The following CROCC variants were observed in gnomAD, a reference collection of about 807,000 sequenced individuals.
CROCC encodes the protein rootletin.
In CROCC, 180 loss-of-function variants were observed where a neutral mutation model predicts 245.2. The ratio of observed to expected loss-of-function variants is 0.73; its 90% CI spans 0.65 to 0.83. The LOEUF (loss-of-function observed/expected upper bound fraction) is 0.83, where lower values mean the gene tolerates loss of function less well. Ranked by LOEUF, CROCC falls within the 40% of genes least tolerant of loss-of-function variation. The probability of loss-of-function intolerance (pLI) is 0.00; values close to 1 mark genes in which losing one functional copy is unlikely to be tolerated. For missense variants in CROCC, 2,688 were observed against 2,779.4 expected (o/e 0.97, Z 0.74); for synonymous variants, 1,205 against 1,241.6 (o/e 0.97, Z 0.62).
At chr1:16,930,677 G>C (rs1178524879) in intron 7 of CROCC, 83 bp downstream of exon 7, 21 of 1,485,856 alleles carry the variant, frequency 1.4e-5, no homozygotes, top group Admixed American at 4.1e-5. Context: ...AGCCTGGAGA[G>C]GGAGAGGGAG....
chr1:16,920,790 C>T (rs1295299380), upstream of CROCC, among the ~76,000 whole-genome samples: 1 of 147,156 alleles, frequency 6.8e-6, no homozygotes, highest in Admixed American at 7.0e-5. Flanking sequence ...GTTGCCCAGG[C>T]TGGAGTGCAA....
rs572964154 is a variant in CROCC, at chr1:16,971,726, T to C, written c.5967+79T>C. 1.2e-4 allele frequency: 155 copies of C among 1,341,670 alleles called. 1 individual carries two copies. The African/African-American group carries it at 1.9e-3, about 16-fold the overall frequency. 83.1% of individuals were successfully genotyped at this position (1,341,670 alleles called of 1,614,324 possible). ...AAGAGGAGAGACCCAATCAAGACCT[T>C]GTGGGTATAGGCAGTCGATGGCTCC... On this transcript the variant is annotated intron_variant, in intron 36 of 36. Transcript: ENST00000375541.
In CROCC at chr1:16,939,121, C is replaced by G; in HGVS notation, c.1587C>G (p.His529Gln). The change falls in exon 12 of 37, where the codon CAC (histidine) becomes CAG (glutamine). Residue 529 changes from histidine (H) to glutamine (Q), a missense_variant. His to Gln is a conservative substitution (Grantham distance 24, BLOSUM62 0). This residue lies in a region of CROCC where 972 missense variants were observed against 895.3 expected (regional missense o/e 1.09). Coordinates refer to ENST00000375541, the MANE Select transcript of CROCC (RefSeq NM_014675.5). ...TCGCCCTGATCCACTCCGCCCTGCA[C>G]AAGCGCCAGCTGCAGGTCCAGGTAG... ...STLALIHSAL[H>Q]KRQLQVQDMR... is the part of the protein sequence containing the mutation. 5 of 1,535,624 alleles carry G rather than the reference C, an allele frequency of 3.3e-6. No homozygotes were observed. The highest frequency in any genetic ancestry group is 1.3e-5 in the South Asian group (1 of 79,652).
chr1:16,944,405 G>C (rs370546917), intron 14 of CROCC, 123 bp downstream of exon 14: 9 of 1,119,764 alleles, frequency 8.0e-6, no homozygotes, highest in Non-Finnish European at 1.1e-5. Flanking sequence ...GGACCCCTCC[G>C]ATGTCGGGTT....
intron 3 of CROCC, 35 bp from the exon 4 acceptor site, chr1:16,929,811 G>A: frequency 4.7e-6 from 7 of 1,491,836 alleles, no homozygotes; most frequent in Non-Finnish European, 6.2e-6. Context: ...CTTCCCAGGA[G>A]GCCCAGGACT....
intron 36 of CROCC, among the ~76,000 whole-genome samples, chr1:16,971,971 C>T (rs1362670949): frequency 2.6e-5 from 4 of 152,228 alleles, no homozygotes; most frequent in African/African-American, 9.6e-5. Context: ...GGGCAGAAGT[C>T]CTAAGGCTGT....
Position 16,950,967 on chromosome 1 carries a change from C to T in CROCC, c.2851C>T (p.Leu951=), listed in dbSNP as rs1198059376. Residue 951 remains leucine (L), a synonymous_variant, in exon 20 of 37, where the codon CTG becomes TTG. Transcript: ENST00000375541. The part of the protein sequence containing the change: ...KETLTGELAG[L]RQQIIATQEK... The stretch of plus-strand genomic sequence containing the variant: ...CTCTCGTGCAGGGGAGTTGGCGGGC[C>T]TGCGGCAGCAAATAATAGCTACACA... 1 of 1,563,526 alleles carries T rather than the reference C, an allele frequency of 6.4e-7. No homozygotes were observed. The highest frequency in any genetic ancestry group is 8.6e-7 in the Non-Finnish European group (1 of 1,156,602).
At chr1:16,931,981 G>T (rs138525235) in intron 8 of CROCC, among the ~76,000 whole-genome samples, 7,984 of 149,708 alleles carry the variant, frequency 0.053, 45 homozygotes, top group African/African-American at 0.09. Flanking sequence ...TGCCCAGGAT[G>T]GTCTCGAACT....
rs1434405165 is a variant in CROCC, at chr1:16,925,535, T to C, written c.351+1056T>C. Among the ~76,000 whole-genome samples, 4 of 152,276 alleles carry C rather than the reference T, an allele frequency of 2.6e-5. No homozygotes were observed. The East Asian group carries it at 7.7e-4, about 29-fold the overall frequency. ...CTGTGTATGGGAAGAGACACTGGGC[T>C]AGGGATTTCAGGGCACAGCTGGCCC... On this transcript the variant is annotated intron_variant, in intron 3 of 36. Transcript: ENST00000375541.
chr1:16,951,601 T>C (rs754015641), intron 20 of CROCC, among the ~76,000 whole-genome samples: 12 of 152,172 alleles, frequency 7.9e-5, no homozygotes, highest in Non-Finnish European at 1.2e-4. Context: ...AGGGATAGGA[T>C]AGTGAAAGGT....
rs746560823 is a variant in CROCC at position 16,922,752 on chromosome 1, TATC to T, written c.152_154del (p.Ile51del). 3 of 1,613,782 alleles carry T rather than the reference TATC, an allele frequency of 1.9e-6. No individual in the cohort carries two copies. On this transcript the variant is annotated inframe_deletion, in exon 2 of 37. Transcript: ENST00000375541. ...CTCAGATCACCAGCCTGCCTGCCCT[TATC>T]AGGGAGATTGTCACCCGCAACCTCT...
intron 27 of CROCC, among the ~76,000 whole-genome samples, chr1:16,962,803 C>T (rs2076356060): frequency 6.6e-6 from 1 of 151,064 alleles, no homozygotes; most frequent in South Asian, 2.1e-4. Flanking sequence ...TCCTGACCTC[C>T]AGTCGGGATG....
At position 16,971,591 on chromosome 1, in the gene CROCC, A is replaced by G. The variant is rs1484254343; in HGVS notation, c.5911A>G (p.Thr1971Ala). The G allele has an allele frequency of 2.0e-6, 3 of 1,526,682 alleles. No individual in the cohort carries two copies. The highest frequency in any genetic ancestry group is 2.4e-5 in the South Asian group (2 of 83,554). 94.6% of individuals were successfully genotyped at this position (1,526,682 alleles called of 1,614,324 possible). The part of the protein sequence containing the change: ...LRSAQAQTER[T>A]LEARERAHRQ... ...CAGCGCCCAGGCGCAGACTGAGCGCACCCTGGAGGCTCGGGAGCGGGCCCA... is the reference window on the plus strand; with the variant it reads ...CAGCGCCCAGGCGCAGACTGAGCGCGCCCTGGAGGCTCGGGAGCGGGCCCA... Residue 1971 changes from threonine to alanine, a missense_variant, in exon 36 of 37, where the codon ACC becomes GCC. This residue lies in a region of CROCC where 1,218 missense variants were observed against 1,286.3 expected (regional missense o/e 0.95). Coordinates refer to ENST00000375541, the MANE Select transcript of CROCC (RefSeq NM_014675.5).
rs755843982 is a variant in CROCC at position 16,971,578 on chromosome 1, G to A, written c.5898G>A (p.Ala1966=). The A allele has an allele frequency of 4.0e-5, 61 of 1,533,910 alleles. No homozygotes were observed. In the African/African-American group the frequency reaches 5.1e-4, roughly 13 times the overall value. ...TGGAGCGGCTGCGCAGCGCCCAGGC[G>A]CAGACTGAGCGCACCCTGGAGGCTC... ...QEVERLRSAQ[A]QTERTLEARE... Residue 1966 remains alanine, a synonymous_variant, in exon 36 of 37, where the codon GCG becomes GCA. Coordinates refer to ENST00000375541, the MANE Select transcript of CROCC (RefSeq NM_014675.5).
intron 8 of CROCC, among the ~76,000 whole-genome samples, chr1:16,934,213 G>T (rs2075740510): frequency 6.6e-6 from 1 of 152,242 alleles, no homozygotes; most frequent in South Asian, 2.1e-4. Flanking sequence ...TAGAATTCTG[G>T]AATGAGGCAC....
intron 19 of CROCC, among the ~76,000 whole-genome samples, chr1:16,950,213 G>A (rs1283403664): frequency 1.2e-4 from 18 of 150,250 alleles, no homozygotes; most frequent in African/African-American, 4.4e-4. Flanking sequence ...ACATATGCCC[G>A]CCACCATGCC....
upstream of CROCC, among the ~76,000 whole-genome samples, chr1:16,917,347 T>C (rs1299646226): frequency 3.3e-5 from 5 of 152,286 alleles, no homozygotes; most frequent in African/African-American, 1.2e-4. Context: ...TGGTTCAATA[T>C]TTTTGTCATA....
chr1:16,960,467 T>G (rs1358896524), intron 26 of CROCC, among the ~76,000 whole-genome samples: 1 of 152,214 alleles, frequency 6.6e-6, no homozygotes, highest in Non-Finnish European at 1.5e-5. Flanking sequence ...TTTGGAAAGT[T>G]ACTTAGTGCC....
At position 16,945,615 on chromosome 1, in the gene CROCC, C is replaced by T. The variant is rs1229914798; in HGVS notation, c.2136+9C>T. The T allele has an allele frequency of 5.6e-6, 9 of 1,611,182 alleles. No individual in the cohort carries two copies. The African/African-American group carries it at 6.7e-5, about 12-fold the overall frequency. ...CCGAGGCGCTGACCAAGGTGGGTCC[C>T]TGTCTGCTGCACAACCACAAACCTA... is the stretch of plus-strand genomic sequence containing the variant. On this transcript the variant is annotated intron_variant, in intron 15 of 36. Coordinates refer to ENST00000375541, the MANE Select transcript of CROCC (RefSeq NM_014675.5).
Sources: allele counts gnomAD v4.1 joint callset (sites outside exome capture counted in the v4.1 genomes callset), GRCh38; gene constraint gnomAD v4.1.1; regional missense constraint gnomAD v4.1.1; transcripts MANE v1.5; gene names NCBI Gene and HGNC (gene_info 2026-07-23, HGNC 2026-07-21).